CRIM1: variants seen among roughly 807,000 people sequenced by gnomAD.
The protein encoded by CRIM1 is cysteine-rich motor neuron 1 protein.
CRIM1 carries 32 observed loss-of-function variants against 116.4 expected under a neutral mutation model. That is an observed-to-expected ratio of 0.27 (90% confidence interval 0.21 to 0.37). The LOEUF is 0.37. Ranked by LOEUF, CRIM1 falls within the 10% of genes least tolerant of loss-of-function variation. The pLI, the probability that CRIM1 is intolerant of heterozygous loss-of-function variation, is 1.00. For synonymous variants in CRIM1, 590 were observed against 509.2 expected, an observed-to-expected ratio of 1.16 and a Z score of -2.13; for missense variants, 1,331 against 1,354.8, an observed-to-expected ratio of 0.98 and a Z score of 0.28.
At chr2:36,445,941 G>C (rs549380003) in intron 4 of CRIM1, among the ~76,000 whole-genome samples, 121 of 152,276 alleles carry the variant, frequency 7.9e-4, no homozygotes, top group Middle Eastern at 3.4e-3. Context: ...ATCCTATTAT[G>C]ATTATTTGAC....
At chr2:36,440,067 C>A (rs1265125831) in intron 2 of CRIM1, among the ~76,000 whole-genome samples, 1 of 152,140 alleles carries the variant, frequency 6.6e-6, no homozygotes, top group Middle Eastern at 3.2e-3. Context: ...TAGAAAATGA[C>A]TAGAGGAACA....
chr2:36,533,615 T>A (rs1475815466), intron 13 of CRIM1, among the ~76,000 whole-genome samples: 1 of 152,016 alleles, frequency 6.6e-6, no homozygotes, highest in Non-Finnish European at 1.5e-5. Context: ...AAAAAAGTTA[T>A]TGGTTTTCCC....
intron 7 of CRIM1, among the ~76,000 whole-genome samples, chr2:36,496,462 C>G (rs1445345847): frequency 6.6e-6 from 1 of 152,094 alleles, no homozygotes; most frequent in African/African-American, 2.4e-5. Flanking sequence ...TAATATAGGT[C>G]ATAAGTGAAT....
intron 13 of CRIM1, among the ~76,000 whole-genome samples, chr2:36,535,019 A>C: frequency 6.6e-6 from 1 of 151,820 alleles, no homozygotes; most frequent in Non-Finnish European, 1.5e-5. Context: ...TAATGTCCTC[A>C]ATGCAGTGTC....
intron 8 of CRIM1, among the ~76,000 whole-genome samples, chr2:36,500,207 A>G (rs1680889892): frequency 6.6e-6 from 1 of 152,100 alleles, no homozygotes; most frequent in Non-Finnish European, 1.5e-5. Context: ...GGTATGCGCC[A>G]GTGGTCCCAG....
chr2:36,429,246 G>A (rs1480004400), intron 2 of CRIM1, among the ~76,000 whole-genome samples: 2 of 152,136 alleles, frequency 1.3e-5, no homozygotes, highest in Non-Finnish European at 2.9e-5. Context: ...ACCATAATCT[G>A]TTGAGACTTA....
chr2:36,517,323 C>T lies in CRIM1; in HGVS notation c.1991-4C>T. 4.3e-6 allele frequency: 7 copies of T among 1,612,138 alleles called. No individual in the cohort carries two copies. The highest frequency in any genetic ancestry group is 5.9e-6 in the Non-Finnish European group (7 of 1,178,234). ...ATGTGTTCTGATTTTGTGTCATTTC[C>T]CAGATGACTTTGTGGTGCAGAAGCC... On this transcript the variant is annotated splice_region_variant and splice_polypyrimidine_tract_variant and intron_variant, in intron 11 of 16. Transcript: ENST00000280527.
At chr2:36,383,639 T>C (rs888076) in intron 1 of CRIM1, among the ~76,000 whole-genome samples, 108,532 of 152,022 alleles carry the variant, frequency 0.71, 39,158 homozygotes, top group East Asian at 0.99. Flanking sequence ...GTTTCTGCTC[T>C]CAAGAAGCTC....
intron 2 of CRIM1, among the ~76,000 whole-genome samples, chr2:36,411,724 A>G (rs571417065): frequency 1.3e-5 from 2 of 151,942 alleles, no homozygotes; most frequent in African/African-American, 4.8e-5. Context: ...CAGTGCCGAT[A>G]ATAGTGTTAC....
chr2:36,366,197 C>T (rs903081627), intron 1 of CRIM1, among the ~76,000 whole-genome samples: 1 of 152,122 alleles, frequency 6.6e-6, no homozygotes, highest in Non-Finnish European at 1.5e-5. Flanking sequence ...CAGTGGTTTA[C>T]AACTTTTTTT....
chr2:36,458,825 A>G (rs965132311), intron 4 of CRIM1, among the ~76,000 whole-genome samples: 1 of 152,222 alleles, frequency 6.6e-6, no homozygotes, highest in African/African-American at 2.4e-5. Flanking sequence ...AGAGTTTATT[A>G]TGATCCACCT....
chr2:36,386,866 G>C (rs1468932771), intron 1 of CRIM1, among the ~76,000 whole-genome samples: 1 of 152,206 alleles, frequency 6.6e-6, no homozygotes, highest in African/African-American at 2.4e-5. Flanking sequence ...GAAGTTTCCA[G>C]TGCAGATGAA....
intron 4 of CRIM1, among the ~76,000 whole-genome samples, chr2:36,457,730 T>C (rs985476054): frequency 6.6e-6 from 1 of 152,146 alleles, no homozygotes; most frequent in African/African-American, 2.4e-5. Context: ...AACCTGTTTC[T>C]TTTTGGATAT....
chr2:36,515,799 A>G (rs1443314090), intron 11 of CRIM1, among the ~76,000 whole-genome samples: 3 of 152,240 alleles, frequency 2.0e-5, no homozygotes, highest in Non-Finnish European at 4.4e-5. Flanking sequence ...ACTTCCGTAC[A>G]TGTCAGCATT....
chr2:36,430,997 G>A (rs1431084692), intron 2 of CRIM1, among the ~76,000 whole-genome samples: 2 of 152,184 alleles, frequency 1.3e-5, no homozygotes, highest in Non-Finnish European at 2.9e-5. Context: ...GATTTATAAA[G>A]AGAAAGTATT....
At chr2:36,426,008 A>G (rs1218669021) in intron 2 of CRIM1, among the ~76,000 whole-genome samples, 4 of 152,192 alleles carry the variant, frequency 2.6e-5, no homozygotes, top group Non-Finnish European at 1.5e-5. Flanking sequence ...CCATTATCAC[A>G]TATGTAGGAA....
intron 5 of CRIM1, among the ~76,000 whole-genome samples, chr2:36,474,136 G>T (rs1230249827): frequency 1.3e-5 from 2 of 152,010 alleles, no homozygotes; most frequent in African/African-American, 2.4e-5. Flanking sequence ...GTCCATTTCT[G>T]TCTTATTTGA....
intron 2 of CRIM1, among the ~76,000 whole-genome samples, chr2:36,429,546 G>C (rs1323955349): frequency 6.6e-6 from 1 of 152,192 alleles, no homozygotes; most frequent in Non-Finnish European, 1.5e-5. Flanking sequence ...TCTATACCTT[G>C]AGCCAGCTCT....
intron 13 of CRIM1, among the ~76,000 whole-genome samples, chr2:36,533,353 C>G (rs752203517): frequency 1.4e-5 from 2 of 147,150 alleles, no homozygotes; most frequent in Non-Finnish European, 3.0e-5. Context: ...TTTTGGGAGA[C>G]TAAGGCAGGT....
Sources: allele counts gnomAD v4.1 joint callset (sites outside exome capture counted in the v4.1 genomes callset), GRCh38; gene constraint gnomAD v4.1.1; transcripts MANE v1.5; gene names NCBI Gene and HGNC (gene_info 2026-07-23, HGNC 2026-07-21).